Variants in RHBDD1 observed in about 807,000 individuals in gnomAD.
RHBDD1 encodes the protein rhomboid domain containing 1, also known as rhomboid-related protein 4.
A neutral mutation model predicts 36.3 loss-of-function variants in RHBDD1; 38 were observed. The observed-to-expected ratio is 1.05, with a 90% CI of 0.81 to 1.37. RHBDD1 has a LOEUF of 1.37. RHBDD1 is among the 40% of genes most tolerant of loss of function. The pLI, the probability that RHBDD1 is intolerant of heterozygous loss-of-function variation, is 0.00. For missense variants in RHBDD1, 393 were observed against 377.6 expected (o/e 1.04, Z -0.34); for synonymous variants, 151 against 136.5 (o/e 1.11, Z -0.74).
intron 8 of RHBDD1, chr2:226,988,306 A>G (rs760524018): frequency 1.6e-5 from 25 of 1,543,976 alleles, no homozygotes; most frequent in Non-Finnish European, 2.2e-5. Flanking sequence ...CTTCCCTTCC[A>G]CTGTGCCCCA....
the RHBDD1 span, among the ~76,000 whole-genome samples, chr2:226,811,540 T>C: frequency 6.6e-6 from 1 of 152,320 alleles, no homozygotes; most frequent in African/African-American, 2.4e-5. Context: ...TGACCTCCAG[T>C]GATCCACCCC....
chr2:226,923,857 A>G (rs992622644), intron 8 of RHBDD1, among the ~76,000 whole-genome samples: 2 of 151,836 alleles, frequency 1.3e-5, no homozygotes, highest in African/African-American at 4.8e-5. Flanking sequence ...AATTATTTCA[A>G]TCTCTTTGCC....
At chr2:226,937,713 G>A (rs568814089) in intron 8 of RHBDD1, among the ~76,000 whole-genome samples, 2 of 152,164 alleles carry the variant, frequency 1.3e-5, no homozygotes, top group South Asian at 2.1e-4. Context: ...CTGTTCCTGC[G>A]TTAGTTTGCT....
the RHBDD1 span, among the ~76,000 whole-genome samples, chr2:226,825,616 T>C: frequency 6.6e-6 from 1 of 152,184 alleles, no homozygotes; most frequent in African/African-American, 2.4e-5. Flanking sequence ...ATTTTGATAG[T>C]TTAGATAGTT....
chr2:226,993,330 C>T (rs556986497), intron 8 of RHBDD1, among the ~76,000 whole-genome samples: 2 of 152,326 alleles, frequency 1.3e-5, no homozygotes, highest in East Asian at 3.9e-4. Context: ...GTCGAGCTTG[C>T]TTCTGACTCT....
chr2:226,886,623 A>C (rs909592793), intron 5 of RHBDD1, among the ~76,000 whole-genome samples: 1 of 152,302 alleles, frequency 6.6e-6, no homozygotes, highest in African/African-American at 2.4e-5. Flanking sequence ...AAAATACAGA[A>C]TTTTATAGGG....
chr2:226,876,589 C>T (rs1002875766), intron 5 of RHBDD1, among the ~76,000 whole-genome samples: 15 of 152,140 alleles, frequency 9.9e-5, no homozygotes, highest in Non-Finnish European at 1.3e-4. Context: ...TCAGCTAGTC[C>T]ATTGGATAGC....
chr2:226,813,004 T>A, the RHBDD1 span, among the ~76,000 whole-genome samples: 18 of 152,320 alleles, frequency 1.2e-4, no homozygotes, highest in African/African-American at 4.1e-4. Context: ...ATGAGGTTGA[T>A]GAAGCTTAAA....
intron 8 of RHBDD1, among the ~76,000 whole-genome samples, chr2:226,984,402 CAG>C (rs1467255717): frequency 1.3e-5 from 2 of 152,208 alleles, no homozygotes; most frequent in Non-Finnish European, 2.9e-5. Context: ...CTCACATTGG[CAG>C]AGAGTGCAAG....
intron 5 of RHBDD1, among the ~76,000 whole-genome samples, chr2:226,891,442 C>T (rs551680085): frequency 2.6e-5 from 4 of 152,198 alleles, no homozygotes; most frequent in Non-Finnish European, 5.9e-5. Context: ...ATAGAAGTGA[C>T]TTGTATTCTG....
chr2:226,967,234 T>C (rs577049294), intron 8 of RHBDD1, among the ~76,000 whole-genome samples: 1 of 152,330 alleles, frequency 6.6e-6, no homozygotes, highest in Non-Finnish European at 1.5e-5. Context: ...CCCTCCATAC[T>C]TGATGAAAAT....
intron 8 of RHBDD1, among the ~76,000 whole-genome samples, chr2:226,980,119 T>G (rs557095797): frequency 6.6e-6 from 1 of 152,146 alleles, no homozygotes; most frequent in Non-Finnish European, 1.5e-5. Context: ...CCACTTACCT[T>G]TCATTGCTTT....
chr2:226,988,210 A>T, intron 8 of RHBDD1: 1 of 841,996 alleles, frequency 1.2e-6, no homozygotes, highest in Non-Finnish European at 1.8e-6. Context: ...TTACCCAAAG[A>T]CAGTCTCAAG....
intron 5 of RHBDD1, among the ~76,000 whole-genome samples, chr2:226,877,267 T>C (rs1474536422): frequency 6.6e-6 from 1 of 152,210 alleles, no homozygotes; most frequent in Non-Finnish European, 1.5e-5. Context: ...TTTTCTAATA[T>C]TATGCATTGA....
At chr2:226,989,017 A>C (rs368281846) in intron 8 of RHBDD1, among the ~76,000 whole-genome samples, 32 of 152,370 alleles carry the variant, frequency 2.1e-4, no homozygotes, top group African/African-American at 6.7e-4. Flanking sequence ...GCAATAATAC[A>C]TTCTGGAGGT....
chr2:226,977,196 C>T (rs1954762685), intron 8 of RHBDD1, among the ~76,000 whole-genome samples: 1 of 152,228 alleles, frequency 6.6e-6, no homozygotes, highest in Non-Finnish European at 1.5e-5. Context: ...TGTCTCGCGT[C>T]TCTGGTTTCC....
upstream of RHBDD1, among the ~76,000 whole-genome samples, chr2:226,832,537 T>C (rs1392162306): frequency 6.6e-6 from 1 of 152,236 alleles, no homozygotes; most frequent in Non-Finnish European, 1.5e-5. Flanking sequence ...GCCTGGTTGT[T>C]CTACACATTA....
At chr2:226,897,928 G>T (rs571324550) in intron 5 of RHBDD1, among the ~76,000 whole-genome samples, 1 of 152,118 alleles carries the variant, frequency 6.6e-6, no homozygotes, top group Non-Finnish European at 1.5e-5. Context: ...GCAATGAGCC[G>T]AGATTGCGCC....
chr2:226,884,721 T>C (rs1344618656), intron 5 of RHBDD1, among the ~76,000 whole-genome samples: 1 of 152,174 alleles, frequency 6.6e-6, no homozygotes, highest in Non-Finnish European at 1.5e-5. Flanking sequence ...GTTGCTTAAA[T>C]AATTTTTTAA....
Sources: allele counts gnomAD v4.1 joint callset (sites outside exome capture counted in the v4.1 genomes callset), GRCh38; gene constraint gnomAD v4.1.1; transcripts MANE v1.5; gene names NCBI Gene and HGNC (gene_info 2026-07-23, HGNC 2026-07-21).